The following NCAM1 variants were observed in gnomAD, a reference collection of about 807,000 sequenced individuals.
NCAM1 encodes the protein antigen recognized by monoclonal antibody 5.1H11.
In NCAM1, 14 loss-of-function variants were observed where a neutral mutation model predicts 109.8. The observed-to-expected ratio is 0.13, with a 90% CI of 0.08 to 0.20. The LOEUF (loss-of-function observed/expected upper bound fraction) is 0.20, where lower values mean the gene tolerates loss of function less well. Ranked by LOEUF, NCAM1 falls within the 10% of genes least tolerant of loss-of-function variation. The pLI, the probability that NCAM1 is intolerant of heterozygous loss-of-function variation, is 1.00. For synonymous variants in NCAM1, 418 were observed against 442.9 expected (o/e 0.94, Z 0.70); for missense variants, 774 against 1,109.9 (o/e 0.70, Z 4.30).
rs549517276 is a variant in NCAM1, at chr11:113,229,490, G to A, written c.1090-2155G>A. Among the ~76,000 whole-genome samples, 6 of 152,320 alleles carry A rather than the reference G, an allele frequency of 3.9e-5. No individual in the cohort carries two copies. In the South Asian group the frequency reaches 1.0e-3, roughly 26 times the overall value. ...ACACTTTTACACTGTTGGTGGGACT[G>A]TAAACTAGTTCAACCATTGTGGAAG... On this transcript the variant is annotated intron_variant, in intron 9 of 19. Coordinates refer to ENST00000316851, the MANE Select transcript of NCAM1 (RefSeq NM_181351.5).
At chr11:113,070,024 G>A (rs1251576397) in intron 1 of NCAM1, among the ~76,000 whole-genome samples, 1 of 152,156 alleles carries the variant, frequency 6.6e-6, no homozygotes, top group Non-Finnish European at 1.5e-5. Context: ...GGTTGGAGAT[G>A]TGAATACAGG....
chr11:113,235,582 C>T (rs958841833), intron 14 of NCAM1, among the ~76,000 whole-genome samples: 6 of 152,154 alleles, frequency 3.9e-5, no homozygotes, highest in South Asian at 2.1e-4. Context: ...TAATGCATTG[C>T]GGGATCTTTG....
intron 1 of NCAM1, among the ~76,000 whole-genome samples, chr11:113,200,977 T>G (rs1555111714): frequency 6.6e-6 from 1 of 152,150 alleles, no homozygotes; most frequent in Admixed American, 6.6e-5. Context: ...GGTTTTCCCC[T>G]CTGATTTTCA....
At chr11:113,031,757 G>A (rs1952727767) in intron 1 of NCAM1, among the ~76,000 whole-genome samples, 1 of 152,114 alleles carries the variant, frequency 6.6e-6, no homozygotes, top group African/African-American at 2.4e-5. Flanking sequence ...GAGGCAGGAA[G>A]GCAGAGCATC....
chr11:113,165,506 AT>A (rs1342434335), intron 1 of NCAM1, among the ~76,000 whole-genome samples: 13 of 152,270 alleles, frequency 8.5e-5, no homozygotes, highest in Admixed American at 8.5e-4. Flanking sequence ...CCTGTAGTTC[AT>A]TTTAAAAGCA....
chr11:113,110,882 A>G (rs1183252922), intron 1 of NCAM1, among the ~76,000 whole-genome samples: 1 of 152,102 alleles, frequency 6.6e-6, no homozygotes, highest in Non-Finnish European at 1.5e-5. Context: ...AAGCCTCAGT[A>G]ATGGTAGTAC....
chr11:113,124,258 G>C (rs1403414151), intron 1 of NCAM1, among the ~76,000 whole-genome samples: 3 of 152,160 alleles, frequency 2.0e-5, no homozygotes, highest in Non-Finnish European at 4.4e-5. Flanking sequence ...GGTGTCGCAG[G>C]ACTATTCTAC....
chr11:113,031,075 A>G (rs1226561497), intron 1 of NCAM1, among the ~76,000 whole-genome samples: 1 of 152,212 alleles, frequency 6.6e-6, no homozygotes, highest in Non-Finnish European at 1.5e-5. Flanking sequence ...GAAATGCAGG[A>G]TTAGTTTCCT....
At chr11:113,203,224 G>T (rs568079353) in intron 2 of NCAM1, among the ~76,000 whole-genome samples, 2 of 152,326 alleles carry the variant, frequency 1.3e-5, no homozygotes, top group East Asian at 3.9e-4. Context: ...GGCAGGGAGG[G>T]GCCTTTAAAT....
At position 113,161,951 on chromosome 11, in the gene NCAM1, G is replaced by A. The variant is rs537472278; in HGVS notation, c.53-40428G>A. On this transcript the variant is annotated intron_variant, in intron 1 of 19. Transcript: ENST00000316851. ...TTCCCCTGAAACCTTGGCTTGGATC[G>A]CTTCCTGCAAACAACGTGAAATCTT... 1.1e-3 allele frequency among the ~76,000 whole-genome samples: 171 copies of A among 152,244 alleles called. 1 individual carries two copies. Among genetic ancestry groups the A allele is most frequent in the South Asian group, 8.9e-3 (43 of 4,824 alleles).
intron 1 of NCAM1, among the ~76,000 whole-genome samples, chr11:112,988,749 G>GTTTTT: frequency 1.5e-5 from 1 of 66,524 alleles, no homozygotes; most frequent in African/African-American, 4.9e-5. Flanking sequence ...ACTTTCAACA[G>GTTTTT]TATTTTTTTT....
intron 7 of NCAM1, among the ~76,000 whole-genome samples, chr11:113,210,332 C>T (rs1944352226): frequency 6.6e-6 from 1 of 152,138 alleles, no homozygotes; most frequent in Non-Finnish European, 1.5e-5. Context: ...CCCCATTTTA[C>T]AAAGGAGGAA....
At position 113,190,326 on chromosome 11, in the gene NCAM1, C is replaced by T. The variant is rs192883811; in HGVS notation, c.53-12053C>T. ...AGACAGGAGGAGGCCATCCACATAG[C>T]CTGAGGACTGTTAACTAACTGAGAA... On this transcript the variant is annotated intron_variant, in intron 1 of 19. Transcript: ENST00000316851. Among the ~76,000 whole-genome samples, 575 of 152,268 alleles carry T rather than the reference C, an allele frequency of 3.8e-3. 2 individuals carry two copies. Among genetic ancestry groups the T allele is most frequent in the Non-Finnish European group, 7.1e-3 (483 of 68,024 alleles).
Position 112,974,767 on chromosome 11 carries a change from T to A in NCAM1, c.52+13103T>A, listed in dbSNP as rs572462114. ...GCCTTCTGCTGAGGTGAGGGGAGTA[T>A]GGGAGAAGAGACATATGGCTGCCAC... On this transcript the variant is annotated intron_variant, in intron 1 of 19. Transcript: ENST00000316851. Among the ~76,000 whole-genome samples the A allele has an allele frequency of 4.0e-5, 6 of 151,844 alleles. No individual in the cohort carries two copies. In the South Asian group the frequency reaches 1.0e-3, roughly 26 times the overall value.
At chr11:113,041,733 A>G (rs972208775) in intron 1 of NCAM1, among the ~76,000 whole-genome samples, 1 of 152,154 alleles carries the variant, frequency 6.6e-6, no homozygotes, top group African/African-American at 2.4e-5. Flanking sequence ...AACAACAGCA[A>G]CATCACCCTG....
At chr11:113,252,541 C>T (rs1305762640) in intron 15 of NCAM1, among the ~76,000 whole-genome samples, 2 of 152,210 alleles carry the variant, frequency 1.3e-5, no homozygotes, top group South Asian at 2.1e-4. Context: ...TTTGAGACTT[C>T]AGTGCCTAAT....
At chr11:113,004,862 A>C (rs546431108) in intron 1 of NCAM1, among the ~76,000 whole-genome samples, 3 of 150,520 alleles carry the variant, frequency 2.0e-5, no homozygotes, top group Non-Finnish European at 4.4e-5. Context: ...CTAATTTTTA[A>C]AAATTTATTC....
chr11:112,984,481 A>G lies in NCAM1; in HGVS notation c.52+22817A>G, dbSNP rs782545482. Among the ~76,000 whole-genome samples the G allele has an allele frequency of 4.0e-5, 6 of 151,804 alleles. 1 individual carries two copies. The highest frequency in any genetic ancestry group is 4.1e-4 in the South Asian group (2 of 4,820). On this transcript the variant is annotated intron_variant, in intron 1 of 19. Coordinates refer to ENST00000316851, the MANE Select transcript of NCAM1 (RefSeq NM_181351.5). ...TCTAGGAACCCCCATTCTGTTTTCT[A>G]CTGTGGCTGCAGCAGTCTTACATGC...
chr11:113,025,744 A>T (rs1353046719), intron 1 of NCAM1, among the ~76,000 whole-genome samples: 1 of 147,908 alleles, frequency 6.8e-6, no homozygotes, highest in Non-Finnish European at 1.5e-5. Context: ...GCTCTCTCTG[A>T]TATTGGAAAT....
Sources: gnomAD v4.1 joint callset for allele counts (sites outside exome capture counted in the v4.1 genomes callset) on GRCh38, gnomAD v4.1.1 for gene constraint, MANE v1.5 for transcripts, NCBI Gene and HGNC (gene_info 2026-07-23, HGNC 2026-07-21) for gene names.